Variants in PCDHGB3 observed in about 807,000 individuals in gnomAD.
The protein encoded by PCDHGB3 is protocadherin gamma subfamily B, 3, also known as protocadherin gamma-B3.
In PCDHGB3, 40 loss-of-function variants were observed where a neutral mutation model predicts 59.2. The ratio of observed to expected loss-of-function variants is 0.68; its 90% CI spans 0.52 to 0.88. The LOEUF (loss-of-function observed/expected upper bound fraction) is 0.88, where lower values mean the gene tolerates loss of function less well. Ranked by LOEUF, PCDHGB3 falls within the 40% of genes least tolerant of loss-of-function variation. The pLI is 0.00. For missense variants in PCDHGB3, 1,309 were observed against 1,187.9 expected (o/e 1.10, Z -1.50); for synonymous variants, 581 against 503.6 (o/e 1.15, Z -2.06).
At chr5:141,400,264 C>G (rs1184804812) in intron 1 of PCDHGB3, 2 of 1,614,058 alleles carry the variant, frequency 1.2e-6, no homozygotes. Context: ...GCGCCTGCGA[C>G]GCTCCTCCAG....
intron 1 of PCDHGB3, chr5:141,394,936 T>G: frequency 1.2e-6 from 2 of 1,613,836 alleles, no homozygotes; most frequent in Non-Finnish European, 8.5e-7. Flanking sequence ...CTCGCCTTTG[T>G]CGCTGTGCTT....
At chr5:141,496,048 G>A (rs1327057788) in intron 2 of PCDHGB3, among the ~76,000 whole-genome samples, 1 of 148,400 alleles carries the variant, frequency 6.7e-6, no homozygotes, top group Non-Finnish European at 1.5e-5. Context: ...TCATTTTTTT[G>A]TGCTTGTGGG....
chr5:141,457,680 G>A lies in PCDHGB3; in HGVS notation c.2416-37127G>A, dbSNP rs866876250. 2.6e-5 allele frequency among the ~76,000 whole-genome samples: 4 copies of A among 152,290 alleles called. No individual in the cohort carries two copies. The South Asian group carries it at 8.3e-4, about 32-fold the overall frequency. On this transcript the variant is annotated intron_variant, in intron 1 of 3. Coordinates refer to ENST00000576222, the MANE Select transcript of PCDHGB3 (RefSeq NM_018924.5). The stretch of plus-strand genomic sequence containing the variant: ...AGCAAGAATGGTTATTTCTACATAG[G>A]ACTTTTGGATTGGCTTTGATGAAAC...
In PCDHGB3 at chr5:141,388,210, T is replaced by C. The variant is rs1589055013; in HGVS notation, c.2415+15401T>C. ...GCTTGTGCTCTGGAATTTGAGGCTG[T>C]TGCTGAAAATCCACTGAACTTTTAT... On this transcript the variant is annotated intron_variant, in intron 1 of 3. Transcript: ENST00000576222. 1.9e-6 allele frequency: 3 copies of C among 1,587,862 alleles called. No homozygotes were observed. Among genetic ancestry groups the C allele is most frequent in the Non-Finnish European group, 2.6e-6 (3 of 1,159,126 alleles).
In PCDHGB3 at chr5:141,432,038, C is replaced by T. The variant is rs202246871; in HGVS notation, c.2415+59229C>T. ...CAACATCACAGTGACCGCCACTGAC[C>T]GGGGAACCCCGCCCCTATCCACGGA... On this transcript the variant is annotated intron_variant, in intron 1 of 3. Coordinates refer to ENST00000576222, the MANE Select transcript of PCDHGB3 (RefSeq NM_018924.5). The surrounding 1 kb of genome is among the most constrained non-coding windows in gnomAD (Gnocchi z 6.0). 15 of 1,614,190 alleles carry T rather than the reference C, an allele frequency of 9.3e-6. No individual in the cohort carries two copies. The African/African-American group carries it at 1.5e-4, about 16-fold the overall frequency.
chr5:141,399,910 G>C, intron 1 of PCDHGB3: 1 of 1,612,438 alleles, frequency 6.2e-7, no homozygotes, highest in Non-Finnish European at 8.5e-7. Context: ...CGCAGACTCA[G>C]GACACAACGC....
Position 141,370,449 on chromosome 5 carries a change from C to A in PCDHGB3, c.55C>A (p.Leu19Ile), listed in dbSNP as rs376611019. 1 of 1,608,576 alleles carries A rather than the reference C, an allele frequency of 6.2e-7. No individual in the cohort carries two copies. The highest frequency in any genetic ancestry group is 1.3e-5 in the African/African-American group (1 of 74,742). The change falls in exon 1 of 4, where the codon CTC becomes ATC. Residue 19 changes from leucine to isoleucine, a missense_variant. Coordinates refer to ENST00000576222, the MANE Select transcript of PCDHGB3 (RefSeq NM_018924.5). ...GPAGQRRMLF[L>I]FLLSLLDQAL... ...AGCAGGGCAGAGGCGAATGCTATTT[C>A]TCTTCCTGCTCTCTTTGTTAGACCA...
intron 2 of PCDHGB3, 141 bp downstream of exon 2, chr5:141,495,006 G>C (rs1030195663): frequency 2.0e-6 from 3 of 1,521,446 alleles, no homozygotes; most frequent in Non-Finnish European, 8.8e-7. Flanking sequence ...CTTGGTGTGC[G>C]GGGGGCTGGC....
intron 1 of PCDHGB3, chr5:141,389,289 A>G (rs1384091312): frequency 1.2e-6 from 2 of 1,613,966 alleles, no homozygotes; most frequent in African/African-American, 1.3e-5. Context: ...TGGAGCCTCT[A>G]TTTCACAAGT....
In PCDHGB3 at chr5:141,370,277, C is replaced by T; in HGVS notation, c.-118C>T. ...TCAGGCTTCCTGCAGCGGAGACACC[C>T]ATTAGAGAACCCAAGCACAAAGACA... On this transcript the variant is annotated 5_prime_UTR_variant, in exon 1 of 4. Coordinates refer to ENST00000576222, the MANE Select transcript of PCDHGB3 (RefSeq NM_018924.5). The T allele has an allele frequency of 1.2e-6, 1 of 847,602 alleles. No homozygotes were observed. Among genetic ancestry groups the T allele is most frequent in the East Asian group, 2.6e-5 (1 of 38,006 alleles). 52.5% of individuals were successfully genotyped at this position (847,602 alleles called of 1,614,324 possible).
Position 141,490,920 on chromosome 5 carries a change from T to A in PCDHGB3, c.2416-3887T>A. 1.2e-6 allele frequency: 2 copies of A among 1,613,638 alleles called. No homozygotes were observed. The highest frequency in any genetic ancestry group is 1.7e-6 in the Non-Finnish European group (2 of 1,179,684). The stretch of plus-strand genomic sequence containing the variant: ...TGTTTGTCCTAGACGAGAATGATAA[T>A]GCCCCAGCTGTGCTGCACCCACGGC... On this transcript the variant is annotated intron_variant, in intron 1 of 3. Coordinates refer to ENST00000576222, the MANE Select transcript of PCDHGB3 (RefSeq NM_018924.5). This position sits in a 1 kb window ranked among gnomAD's most constrained non-coding sequence, Gnocchi z 5.4.
chr5:141,427,454 T>C (rs62379160), intron 1 of PCDHGB3: 18,356 of 489,902 alleles, frequency 0.037, 441 homozygotes, highest in Middle Eastern at 0.11. Context: ...GAGTTCCTTT[T>C]AGAATCGAAT....
At chr5:141,483,240 T>C (rs2099578643) in intron 1 of PCDHGB3, among the ~76,000 whole-genome samples, 2 of 151,742 alleles carry the variant, frequency 1.3e-5, no homozygotes, top group Non-Finnish European at 1.5e-5. Flanking sequence ...TGAACTGATA[T>C]GCATATATCA....
intron 2 of PCDHGB3, among the ~76,000 whole-genome samples, chr5:141,503,681 A>C (rs1313633991): frequency 6.6e-6 from 1 of 152,102 alleles, no homozygotes; most frequent in Non-Finnish European, 1.5e-5. Context: ...ACTTTTGGGA[A>C]GGAGAATTGA....
chr5:141,419,393 G>T (rs1226844501), intron 1 of PCDHGB3: 2 of 1,613,620 alleles, frequency 1.2e-6, no homozygotes, highest in Non-Finnish European at 1.7e-6. Context: ...CGCGCAGAGC[G>T]GGGTGGTGTT....
chr5:141,440,693 C>T (rs2098194597), intron 1 of PCDHGB3: 1 of 152,136 alleles, frequency 6.6e-6, no homozygotes, highest in Non-Finnish European at 1.5e-5. Context: ...GTAAAAGTGA[C>T]CAACAGTGGA....
chr5:141,414,473 G>C lies in PCDHGB3; in HGVS notation c.2415+41664G>C, dbSNP rs371832510. 50 of 1,613,790 alleles carry C rather than the reference G, an allele frequency of 3.1e-5. No individual in the cohort carries two copies. The highest frequency in any genetic ancestry group is 4.1e-5 in the Non-Finnish European group (48 of 1,179,892). Reference sequence around the variant, plus strand: ...ACAGTGACAGCCACAGATGGGGGAAGTCCTCCTCTATCAACGGAAGCTCAC... The same window carrying C: ...ACAGTGACAGCCACAGATGGGGGAACTCCTCCTCTATCAACGGAAGCTCAC... On this transcript the variant is annotated intron_variant, in intron 1 of 3. Transcript: ENST00000576222.
chr5:141,379,845 AC>A (rs1334954085), intron 1 of PCDHGB3, among the ~76,000 whole-genome samples: 3 of 138,852 alleles, frequency 2.2e-5, no homozygotes. Context: ...AAAAAAAACT[AC>A]CAAATTATTG....
intron 1 of PCDHGB3, chr5:141,426,685 A>C (rs1342844985): frequency 4.6e-6 from 2 of 432,608 alleles, no homozygotes; most frequent in African/African-American, 2.0e-5. Flanking sequence ...CATTTTCCCC[A>C]AAATAGCATT....
Sources: gnomAD v4.1 joint callset for allele counts (sites outside exome capture counted in the v4.1 genomes callset) on GRCh38, gnomAD v4.1.1 for gene constraint, Gnocchi (gnomAD v3.1) non-coding constraint, MANE v1.5 for transcripts, NCBI Gene and HGNC (gene_info 2026-07-23, HGNC 2026-07-21) for gene names.